Variants in TRIM61 observed in about 807,000 individuals in gnomAD.
TRIM61 encodes tripartite motif containing 61.
In TRIM61, 1 loss-of-function variant was observed where a neutral mutation model predicts 14.2. That is an observed-to-expected ratio of 0.07 (90% confidence interval 0.03 to 0.33). TRIM61 has a LOEUF of 0.33. Among genes scored for constraint, TRIM61 ranks in the 10% least tolerant of loss-of-function variants. The pLI, the probability that TRIM61 is intolerant of heterozygous loss-of-function variation, is 0.99. For synonymous variants in TRIM61, 8 were observed against 71.6 expected, an observed-to-expected ratio of 0.11 and a Z score of 4.49; for missense variants, 19 against 202.2, an observed-to-expected ratio of 0.09 and a Z score of 5.49.
At chr4:164,960,183 C>T (rs1459765760) in intron 3 of TRIM61, among the ~76,000 whole-genome samples, 1 of 152,098 alleles carries the variant, frequency 6.6e-6, no homozygotes, top group African/African-American at 2.4e-5. Context: ...TATCACAGCC[C>T]TCAGAACAAA....
At chr4:164,968,742 C>CT in intron 3 of TRIM61, 1 of 981,622 alleles carries the variant, frequency 1.0e-6, no homozygotes, top group Non-Finnish European at 1.2e-6. Context: ...ATTTCATAGT[C>CT]TAAAAAAATG....
chr4:164,965,067 C>T (rs1452373155), intron 3 of TRIM61, among the ~76,000 whole-genome samples: 1 of 152,142 alleles, frequency 6.6e-6, no homozygotes, highest in African/African-American at 2.4e-5. Flanking sequence ...GCGGGTGGAT[C>T]ACTTGAGATC....
At chr4:164,965,866 ATAGAC>A (rs1305398130) in intron 3 of TRIM61, among the ~76,000 whole-genome samples, 1 of 152,238 alleles carries the variant, frequency 6.6e-6, no homozygotes, top group Non-Finnish European at 1.5e-5. Flanking sequence ...AAATATCAGG[ATAGAC>A]TAAAGACATT....
chr4:164,969,391 T>C, intron 3 of TRIM61: 1 of 1,593,692 alleles, frequency 6.3e-7, no homozygotes, highest in Non-Finnish European at 8.5e-7. Flanking sequence ...CATCTTGTAA[T>C]TGCCTAAGAA....
At chr4:164,957,531 C>T (rs770306445) in intron 3 of TRIM61, 8 of 1,552,560 alleles carry the variant, frequency 5.2e-6, no homozygotes, top group Middle Eastern at 2.2e-4. Flanking sequence ...TCACAGGGGA[C>T]ATCTGACATC....
At chr4:164,958,103 C>CAGG (rs1398056804) in intron 3 of TRIM61, 1 of 166,940 alleles carries the variant, frequency 6.0e-6, no homozygotes, top group African/African-American at 2.4e-5. Flanking sequence ...CTGTTATTAC[C>CAGG]AGGAGGAAGA....
chr4:164,971,400 T>A (rs1732361763), intron 2 of TRIM61, among the ~76,000 whole-genome samples: 1 of 152,062 alleles, frequency 6.6e-6, no homozygotes, highest in Admixed American at 6.5e-5. Context: ...TAGACCAGCC[T>A]GAATAACATG....
chr4:164,960,567 A>G (rs199966466), intron 3 of TRIM61, among the ~76,000 whole-genome samples: 2 of 146,694 alleles, frequency 1.4e-5, no homozygotes, highest in Non-Finnish European at 3.0e-5. Flanking sequence ...AAAAAAAAAA[A>G]GGAAAAAAAA....
chr4:164,961,606 C>T (rs931147616), intron 3 of TRIM61, among the ~76,000 whole-genome samples: 2 of 147,834 alleles, frequency 1.4e-5, no homozygotes, highest in Non-Finnish European at 3.0e-5. Context: ...AAAAAAATGG[C>T]CAAGAATTTA....
chr4:164,964,830 CTA>C (rs1485193326), intron 3 of TRIM61, among the ~76,000 whole-genome samples: 2 of 152,158 alleles, frequency 1.3e-5, no homozygotes, highest in South Asian at 2.1e-4. Context: ...TGTCTTTAAA[CTA>C]TGACTGTTTT....
At chr4:164,971,233 G>A (rs1244093245) in intron 2 of TRIM61, among the ~76,000 whole-genome samples, 25 of 152,134 alleles carry the variant, frequency 1.6e-4, no homozygotes, top group Admixed American at 1.6e-3. Flanking sequence ...TTGTTGTTAG[G>A]AGATATATCT....
In TRIM61 at chr4:164,963,010, C is replaced by T. The variant is rs992697421; in HGVS notation, c.525+6468G>A. Among the ~76,000 whole-genome samples the T allele has an allele frequency of 4.6e-5, 7 of 152,126 alleles. No homozygotes were observed. The South Asian group carries it at 6.2e-4, about 14-fold the overall frequency. On this transcript the variant is annotated intron_variant, in intron 3 of 4. Coordinates refer to ENST00000329314, the MANE Select transcript of TRIM61 (RefSeq NM_001012414.3). ...ATATATACTATAAACCCTAGGAGAA[C>T]CATTAAAATGTTTTTAAAAGATGTA... is the stretch of plus-strand genomic sequence containing the variant.
intron 3 of TRIM61, among the ~76,000 whole-genome samples, chr4:164,963,839 A>C (rs1274361744): frequency 6.6e-6 from 1 of 152,194 alleles, no homozygotes; most frequent in African/African-American, 2.4e-5. Context: ...AAATCCACAA[A>C]AAATGTGAAA....
At position 164,969,975 on chromosome 4, in the gene TRIM61, G is replaced by A; in HGVS notation, c.28C>T (p.Leu10Phe). The change falls in exon 3 of 5, where the codon CTC becomes TTC. Residue 10 changes from leucine (L) to phenylalanine (F), a missense_variant. This residue lies in a region of TRIM61 where 17 missense variants were observed against 105.5 expected (regional missense o/e 0.16). Coordinates refer to ENST00000329314, the MANE Select transcript of TRIM61 (RefSeq NM_001012414.3). Reference sequence around the variant, plus strand: ...ATGGGACAGCTAGCCTCTGCTCGGAGGTCAGCCAGGGCCGTAACAAATTCC... The same window carrying A: ...ATGGGACAGCTAGCCTCTGCTCGGAAGTCAGCCAGGGCCGTAACAAATTCC... The A allele has an allele frequency of 6.2e-7, 1 of 1,613,812 alleles. No individual in the cohort carries two copies. Among genetic ancestry groups the A allele is most frequent in the East Asian group, 2.2e-5 (1 of 44,874 alleles).
chr4:164,957,294 G>A (rs986486643), intron 3 of TRIM61: 2 of 1,614,178 alleles, frequency 1.2e-6, no homozygotes, highest in South Asian at 2.2e-5. Flanking sequence ...CCTGTCAGCC[G>A]CTCATGGTGC....
At chr4:164,961,172 A>AAAAAAAAAAAAAAAAAAAG (rs1732127939) in intron 3 of TRIM61, among the ~76,000 whole-genome samples, 2 of 97,186 alleles carry the variant, frequency 2.1e-5, no homozygotes, top group Non-Finnish European at 4.3e-5. Flanking sequence ...AAAAAAAAAA[A>AAAAAAAAAAAAAAAAAAAG]AAAAAAAAAA....
At chr4:164,962,437 G>T (rs1013093383) in intron 3 of TRIM61, among the ~76,000 whole-genome samples, 2 of 151,178 alleles carry the variant, frequency 1.3e-5, no homozygotes, top group African/African-American at 4.9e-5. Context: ...TAGAGACGGG[G>T]TTTCACCGTG....
At chr4:164,964,204 C>A (rs1320153602) in intron 3 of TRIM61, among the ~76,000 whole-genome samples, 1 of 151,330 alleles carries the variant, frequency 6.6e-6, no homozygotes, top group Admixed American at 6.6e-5. Flanking sequence ...AAAAATTCGC[C>A]GGGCTTGGTG....
intron 3 of TRIM61, chr4:164,968,719 G>A (rs1732296372): frequency 1.0e-6 from 1 of 983,062 alleles, no homozygotes; most frequent in African/African-American, 1.8e-5. Flanking sequence ...AATTATAAAA[G>A]GAAACTTCAT....
Sources: allele counts gnomAD v4.1 joint callset (sites outside exome capture counted in the v4.1 genomes callset), GRCh38; gene constraint gnomAD v4.1.1; regional missense constraint gnomAD v4.1.1; transcripts MANE v1.5; gene names NCBI Gene and HGNC (gene_info 2026-07-23, HGNC 2026-07-21).